Variants in HDAC9 observed in about 807,000 individuals in gnomAD.
HDAC9 encodes MEF-2 interacting transcription repressor (MITR) protein.
HDAC9 carries 41 observed loss-of-function variants against 139.4 expected under a neutral mutation model. The ratio of observed to expected loss-of-function variants is 0.29; its 90% CI spans 0.23 to 0.38. The LOEUF (loss-of-function observed/expected upper bound fraction) is 0.38, where lower values mean the gene tolerates loss of function less well. Among genes scored for constraint, HDAC9 ranks in the 10% least tolerant of loss-of-function variants. The pLI, the probability that HDAC9 is intolerant of heterozygous loss-of-function variation, is 1.00. For synonymous variants in HDAC9, 517 were observed against 476.2 expected, an observed-to-expected ratio of 1.09 and a Z score of -1.12; for missense variants, 1,147 against 1,297.0, an observed-to-expected ratio of 0.88 and a Z score of 1.78.
intron 2 of HDAC9, among the ~76,000 whole-genome samples, chr7:18,555,744 T>C (rs1283945811): frequency 2.0e-5 from 3 of 152,202 alleles, no homozygotes; most frequent in African/African-American, 4.8e-5. Context: ...TAAACGATAT[T>C]TTTAAAAAAC....
chr7:18,491,264 TA>T (rs1554436963), upstream of HDAC9, among the ~76,000 whole-genome samples: 1 of 151,792 alleles, frequency 6.6e-6, no homozygotes, highest in Non-Finnish European at 1.5e-5. Context: ...TGAGAAAAAT[TA>T]AAACAAAACA....
intron 1 of HDAC9, among the ~76,000 whole-genome samples, chr7:18,356,322 C>T (rs897818912): frequency 7.8e-6 from 1 of 128,220 alleles, no homozygotes; most frequent in African/African-American, 2.9e-5. Flanking sequence ...TAGGTGGCGC[C>T]ATTATTCTTT....
chr7:18,982,527 C>G (rs1257008097), intron 25 of HDAC9, among the ~76,000 whole-genome samples: 1 of 152,012 alleles, frequency 6.6e-6, no homozygotes, highest in African/African-American at 2.4e-5. Flanking sequence ...TAATAACATG[C>G]ACACGTTCTA....
intron 2 of HDAC9, chr7:18,509,293 G>C (rs116166394): frequency 1.0e-6 from 1 of 985,418 alleles, no homozygotes; most frequent in African/African-American, 1.7e-5. Flanking sequence ...CTTCTGCCTT[G>C]TGGAAGGGGT....
At chr7:18,097,009 G>T (rs1282823458) in intron 1 of HDAC9, among the ~76,000 whole-genome samples, 4 of 151,914 alleles carry the variant, frequency 2.6e-5, no homozygotes, top group Non-Finnish European at 4.4e-5. Context: ...GATTTTCTGT[G>T]ATGATGGAAA....
intron 1 of HDAC9, among the ~76,000 whole-genome samples, chr7:18,141,583 C>A (rs941088233): frequency 8.5e-5 from 13 of 152,084 alleles, no homozygotes; most frequent in Non-Finnish European, 1.5e-4. Flanking sequence ...CCTAGTTTTT[C>A]AAATAAAATT....
chr7:18,629,267 T>A, intron 6 of HDAC9, 83 bp from the exon 7 acceptor site: 3 of 231,220 alleles, frequency 1.3e-5, no homozygotes, highest in Non-Finnish European at 2.1e-5. Flanking sequence ...AGGGTGAGAC[T>A]TTTTTTTTTT....
In HDAC9 at chr7:18,585,524, T is replaced by A. The variant is rs1351470759; in HGVS notation, c.264+2T>A. ...GCTCAGCTTCAGGAGCATATCAAGGTAGCAAATGCTTCTTTGTCTGTGACC... is the reference window on the plus strand; with the variant it reads ...GCTCAGCTTCAGGAGCATATCAAGGAAGCAAATGCTTCTTTGTCTGTGACC... On this transcript the variant is annotated splice_donor_variant, in intron 3 of 25. Coordinates refer to ENST00000686413, the MANE Select transcript of HDAC9 (RefSeq NM_178425.4). LOFTEE classifies it high-confidence loss of function. 1 of 1,613,030 alleles carries A rather than the reference T, an allele frequency of 6.2e-7. No homozygotes were observed. The highest frequency in any genetic ancestry group is 8.5e-7 in the Non-Finnish European group (1 of 1,179,668).
intron 1 of HDAC9, among the ~76,000 whole-genome samples, chr7:18,435,951 A>G (rs1394583189): frequency 1.3e-5 from 2 of 148,864 alleles, no homozygotes; most frequent in Admixed American, 6.7e-5. Flanking sequence ...AAATTTATAT[A>G]TATATAAAGT....
chr7:18,104,743 T>C (rs1783093726), intron 1 of HDAC9, among the ~76,000 whole-genome samples: 1 of 152,116 alleles, frequency 6.6e-6, no homozygotes, highest in Admixed American at 6.5e-5. Context: ...ACTCCCTCAG[T>C]GTGGGCATAT....
intron 2 of HDAC9, among the ~76,000 whole-genome samples, chr7:18,548,511 G>A (rs1815977264): frequency 6.6e-6 from 1 of 152,150 alleles, no homozygotes; most frequent in African/African-American, 2.4e-5. Flanking sequence ...AATGAGATAT[G>A]TCTGTAGTTG....
At position 19,001,459 on chromosome 7, in the gene HDAC9, G is replaced by A. The variant is rs188956519; in HGVS notation, c.*5397G>A. ...CTTCATTGTGATGCCCCTTCTTGGA[G>A]TTGGCATTTTGTGACAATTCATAGA... On this transcript the variant is annotated 3_prime_UTR_variant, in exon 26 of 26. Coordinates refer to ENST00000686413, the MANE Select transcript of HDAC9 (RefSeq NM_178425.4). The A allele has an allele frequency of 2.0e-5, 3 of 151,694 alleles. No individual in the cohort carries two copies. In the East Asian group the frequency reaches 5.8e-4, roughly 29 times the overall value. 9.4% of individuals were successfully genotyped at this position (151,694 alleles called of 1,614,324 possible).
At chr7:18,168,017 A>G (rs564034326) in intron 2 of HDAC9, among the ~76,000 whole-genome samples, 2 of 152,348 alleles carry the variant, frequency 1.3e-5, no homozygotes, top group South Asian at 4.1e-4. Flanking sequence ...CAGCTCACCA[A>G]CATTTCTAAG....
chr7:18,995,231 C>T (rs529620383), intron 25 of HDAC9, among the ~76,000 whole-genome samples: 1 of 152,328 alleles, frequency 6.6e-6, no homozygotes, highest in African/African-American at 2.4e-5. Flanking sequence ...GACGCAAACT[C>T]AATTCACCCG....
At chr7:18,131,811 G>T (rs1785032039) in intron 1 of HDAC9, among the ~76,000 whole-genome samples, 1 of 152,140 alleles carries the variant, frequency 6.6e-6, no homozygotes, top group Admixed American at 6.6e-5. Flanking sequence ...AGGCAGTCAT[G>T]TTCACACATC....
intron 1 of HDAC9, among the ~76,000 whole-genome samples, chr7:18,291,914 G>A (rs1797834216): frequency 1.3e-5 from 2 of 152,074 alleles, no homozygotes; most frequent in Non-Finnish European, 2.9e-5. Context: ...GTTTGGAGGG[G>A]CGCTGCAGTT....
chr7:18,472,816 T>G (rs1794824752), intron 1 of HDAC9, among the ~76,000 whole-genome samples: 1 of 152,208 alleles, frequency 6.6e-6, no homozygotes, highest in Non-Finnish European at 1.5e-5. Context: ...GTATACTTGT[T>G]TATCGCTTTG....
intron 1 of HDAC9, among the ~76,000 whole-genome samples, chr7:18,153,429 C>T (rs1415989220): frequency 6.6e-6 from 1 of 152,110 alleles, no homozygotes; most frequent in African/African-American, 2.4e-5. Flanking sequence ...AGCCCACGAC[C>T]AGTCTGATTG....
chr7:18,740,123 G>A (rs1787310702), intron 13 of HDAC9, among the ~76,000 whole-genome samples: 1 of 152,206 alleles, frequency 6.6e-6, no homozygotes, highest in South Asian at 2.1e-4. Context: ...AAGACCTTGG[G>A]AAAAGTGCAG....
Sources: allele counts gnomAD v4.1 joint callset (sites outside exome capture counted in the v4.1 genomes callset), GRCh38; gene constraint gnomAD v4.1.1; transcripts MANE v1.5; gene names NCBI Gene and HGNC (gene_info 2026-07-23, HGNC 2026-07-21).